Variants in SLC35D4 observed in about 807,000 individuals in gnomAD.
SLC35D4 encodes UDP-N-acetylglucosamine transporter SLC35D4.
chr18:23,370,236 G>A, the SLC35D4 span: 2 of 1,611,366 alleles, frequency 1.2e-6, no homozygotes, highest in Admixed American at 1.7e-5. Context: ...TGGGTTTCTG[G>A]GACTTCTGTA....
chr18:23,248,965 A>G, the SLC35D4 span, among the ~76,000 whole-genome samples: 5 of 152,274 alleles, frequency 3.3e-5, no homozygotes, highest in African/African-American at 1.2e-4. Flanking sequence ...AGGAGGCTGC[A>G]GCTGCCTGGG....
At chr18:23,399,682 CCA>C in the SLC35D4 span, 1 of 1,607,836 alleles carries the variant, frequency 6.2e-7, no homozygotes, top group Admixed American at 1.7e-5. Flanking sequence ...AACACTTTTG[CCA>C]CTTTTTGTTA....
chr18:23,248,268 T>A, the SLC35D4 span, among the ~76,000 whole-genome samples: 3 of 152,354 alleles, frequency 2.0e-5, no homozygotes, highest in Admixed American at 6.5e-5. Flanking sequence ...GCTCTTTCTC[T>A]GTCCCCGCCT....
chr18:23,426,757 A>C, the SLC35D4 span, among the ~76,000 whole-genome samples: 2 of 152,236 alleles, frequency 1.3e-5, no homozygotes, highest in African/African-American at 4.8e-5. Context: ...ATGCTACCTG[A>C]CTTCAAACTA....
At chr18:23,362,636 G>A in the SLC35D4 span, among the ~76,000 whole-genome samples, 65,686 of 151,844 alleles carry the variant, frequency 0.43, 14,506 homozygotes, top group Non-Finnish European at 0.47. Flanking sequence ...AACAAACAAA[G>A]AAAGGCAATA....
At chr18:23,258,118 G>C in the SLC35D4 span, 1 of 152,370 alleles carries the variant, frequency 6.6e-6, no homozygotes, top group African/African-American at 2.4e-5. Flanking sequence ...AAGAAGGCGA[G>C]TTCTGAGTGT....
chr18:23,384,011 G>GA, the SLC35D4 span, among the ~76,000 whole-genome samples: 1 of 136,434 alleles, frequency 7.3e-6, no homozygotes, highest in Non-Finnish European at 1.6e-5. Flanking sequence ...TGGGGGGGGG[G>GA]GGTGTGATGT....
the SLC35D4 span, among the ~76,000 whole-genome samples, chr18:23,363,101 T>C: frequency 4.0e-5 from 6 of 151,070 alleles, no homozygotes; most frequent in African/African-American, 1.2e-4. Flanking sequence ...AAAAATTAGC[T>C]GGGCATGGTG....
At chr18:23,383,038 G>A in the SLC35D4 span, among the ~76,000 whole-genome samples, 4 of 152,160 alleles carry the variant, frequency 2.6e-5, no homozygotes, top group African/African-American at 4.8e-5. Flanking sequence ...TTCTGACTTC[G>A]GTGATGATGA....
At chr18:23,406,506 A>G in the SLC35D4 span, among the ~76,000 whole-genome samples, 1 of 152,226 alleles carries the variant, frequency 6.6e-6, no homozygotes, top group Non-Finnish European at 1.5e-5. Flanking sequence ...TGCATTTCTT[A>G]TAAGTGACTA....
At chr18:23,244,861 T>A in the SLC35D4 span, among the ~76,000 whole-genome samples, 1 of 152,368 alleles carries the variant, frequency 6.6e-6, no homozygotes, top group East Asian at 1.9e-4. Flanking sequence ...TGGCCGAGTG[T>A]ACGGCAAGCT....
the SLC35D4 span, chr18:23,368,785 G>A: frequency 1.5e-6 from 2 of 1,371,718 alleles, no homozygotes; most frequent in Non-Finnish European, 2.0e-6. Flanking sequence ...GATAAATGAA[G>A]TAGCAGAACT....
the SLC35D4 span, among the ~76,000 whole-genome samples, chr18:23,288,181 G>A: frequency 5.9e-5 from 9 of 151,934 alleles, no homozygotes; most frequent in African/African-American, 1.2e-4. Context: ...TCCACCTGAC[G>A]TTCACCCCAT....
chr18:23,373,788 G>GCAGCTTCA, the SLC35D4 span: 12 of 1,609,570 alleles, frequency 7.5e-6, no homozygotes, highest in African/African-American at 1.3e-5. Flanking sequence ...ATAAAACACT[G>GCAGCTTCA]CAGCTTCACC....
chr18:23,389,512 G>C, the SLC35D4 span, among the ~76,000 whole-genome samples: 2 of 152,100 alleles, frequency 1.3e-5, no homozygotes, highest in Non-Finnish European at 2.9e-5. Context: ...CTATCAGCCT[G>C]TGTAGGGCTC....
At chr18:23,310,219 C>T in the SLC35D4 span, 2 of 985,436 alleles carry the variant, frequency 2.0e-6, no homozygotes, top group South Asian at 4.7e-5. Context: ...CCGTCCTCAC[C>T]TAATGCTCCC....
chr18:23,353,129 G>C, the SLC35D4 span, among the ~76,000 whole-genome samples: 1 of 150,964 alleles, frequency 6.6e-6, no homozygotes, highest in African/African-American at 2.4e-5. Context: ...GTGTATGTGA[G>C]AGAGAGAGAG....
the SLC35D4 span, among the ~76,000 whole-genome samples, chr18:23,250,909 C>G: frequency 6.6e-6 from 1 of 152,230 alleles, no homozygotes; most frequent in African/African-American, 2.4e-5. Flanking sequence ...AGAGGACCAT[C>G]AAGATCACTT....
the SLC35D4 span, chr18:23,373,678 C>T: frequency 3.1e-5 from 50 of 1,610,412 alleles, no homozygotes; most frequent in East Asian, 1.0e-3. Context: ...GAATAAAAGA[C>T]ACTTTGAAGG....
Sources: gnomAD v4.1 joint callset for allele counts (sites outside exome capture counted in the v4.1 genomes callset) on GRCh38, gnomAD v4.1.1 for gene constraint, MANE v1.5 for transcripts, NCBI Gene and HGNC (gene_info 2026-07-23, HGNC 2026-07-21) for gene names.